Variants in HECW1 observed in about 807,000 individuals in gnomAD.
HECW1 encodes the protein E3 ubiquitin-protein ligase HECW1.
HECW1 carries 61 observed loss-of-function variants against 182.3 expected under a neutral mutation model. The ratio of observed to expected loss-of-function variants is 0.33; its 90% CI spans 0.27 to 0.41. The LOEUF (loss-of-function observed/expected upper bound fraction) is 0.41. HECW1 is among the 10% of genes least tolerant of loss of function. HECW1 has a pLI of 1.00. For missense variants in HECW1, 1,739 were observed against 2,108.9 expected (o/e 0.82, Z 3.44); for synonymous variants, 859 against 832.6 (o/e 1.03, Z -0.55).
intron 17 of HECW1, among the ~76,000 whole-genome samples, chr7:43,483,817 G>A (rs1226559001): frequency 1.3e-5 from 2 of 151,986 alleles, no homozygotes; most frequent in African/African-American, 2.4e-5. Context: ...CCAAAGTGCT[G>A]GGATTACAGA....
chr7:43,495,985 GT>G (rs199931013), intron 19 of HECW1, among the ~76,000 whole-genome samples: 45 of 151,080 alleles, frequency 3.0e-4, no homozygotes, highest in East Asian at 1.7e-3. Flanking sequence ...ATTAGAAAAG[GT>G]TTTTTTTTAA....
chr7:43,222,286 G>A (rs931495843), intron 2 of HECW1, among the ~76,000 whole-genome samples: 3 of 152,124 alleles, frequency 2.0e-5, no homozygotes, highest in South Asian at 2.1e-4. Flanking sequence ...ATAAGAAGCC[G>A]AATACTCATG....
chr7:43,191,767 G>A (rs1793938046), intron 2 of HECW1, among the ~76,000 whole-genome samples: 1 of 152,050 alleles, frequency 6.6e-6, no homozygotes, highest in Non-Finnish European at 1.5e-5. Context: ...CACTTAATTT[G>A]CTTTTCTTGT....
chr7:43,409,126 C>T (rs540429620), intron 8 of HECW1, among the ~76,000 whole-genome samples: 1 of 152,316 alleles, frequency 6.6e-6, no homozygotes, highest in South Asian at 2.1e-4. Context: ...ATACCACCCC[C>T]TTCCTGGGCT....
chr7:43,494,803 C>T (rs2152920708), intron 19 of HECW1, among the ~76,000 whole-genome samples: 1 of 152,274 alleles, frequency 6.6e-6, no homozygotes, highest in Non-Finnish European at 1.5e-5. Flanking sequence ...TGTTAGCCAC[C>T]TCACCCAGCC....
chr7:43,520,595 A>T (rs367670483), intron 24 of HECW1, among the ~76,000 whole-genome samples: 4 of 151,646 alleles, frequency 2.6e-5, no homozygotes, highest in Admixed American at 1.3e-4. Flanking sequence ...TTCTCAAGAC[A>T]AATATGTTCA....
At chr7:43,227,446 C>A (rs911619479) in intron 2 of HECW1, among the ~76,000 whole-genome samples, 7 of 152,020 alleles carry the variant, frequency 4.6e-5, no homozygotes, top group Non-Finnish European at 1.0e-4. Flanking sequence ...ATAAACTATC[C>A]ATACTTTAAT....
chr7:43,266,491 C>A (rs574901935), intron 3 of HECW1, among the ~76,000 whole-genome samples: 2 of 152,110 alleles, frequency 1.3e-5, no homozygotes, highest in African/African-American at 4.8e-5. Flanking sequence ...TCTGCCACCA[C>A]GCCCAGCTAA....
chr7:43,299,289 G>A (rs1375644536), intron 3 of HECW1, among the ~76,000 whole-genome samples: 1 of 152,222 alleles, frequency 6.6e-6, no homozygotes, highest in Non-Finnish European at 1.5e-5. Context: ...CGGAATCGGT[G>A]GGAGAGGCCG....
intron 29 of HECW1, among the ~76,000 whole-genome samples, chr7:43,557,655 T>C (rs1266839907): frequency 6.6e-6 from 1 of 152,128 alleles, no homozygotes; most frequent in Non-Finnish European, 1.5e-5. Flanking sequence ...CAGATAATAG[T>C]CATAATAAGT....
chr7:43,349,160 G>A (rs908702337), intron 5 of HECW1, among the ~76,000 whole-genome samples: 4 of 152,014 alleles, frequency 2.6e-5, no homozygotes, highest in African/African-American at 4.8e-5. Flanking sequence ...TCAGCCTACC[G>A]AGTAGTTGGG....
At chr7:43,542,417 T>A (rs184651868) in intron 26 of HECW1, among the ~76,000 whole-genome samples, 1 of 151,984 alleles carries the variant, frequency 6.6e-6, no homozygotes, top group East Asian at 1.9e-4. Context: ...TAGATATATA[T>A]GTATATGCAC....
At chr7:43,503,298 C>T (rs2079442967) in intron 21 of HECW1, among the ~76,000 whole-genome samples, 1 of 152,074 alleles carries the variant, frequency 6.6e-6, no homozygotes, top group African/African-American at 2.4e-5. Flanking sequence ...GGAGCGAAGA[C>T]AAAAGTAAGG....
intron 3 of HECW1, among the ~76,000 whole-genome samples, chr7:43,279,703 C>T (rs1803648704): frequency 2.0e-5 from 3 of 152,204 alleles, no homozygotes; most frequent in African/African-American, 7.2e-5. Context: ...AAATATCTCC[C>T]ACCTTGATTC....
chr7:43,211,907 G>A (rs1005330135), intron 2 of HECW1, among the ~76,000 whole-genome samples: 2 of 152,192 alleles, frequency 1.3e-5, no homozygotes, highest in Non-Finnish European at 2.9e-5. Context: ...TTCTTCAGAT[G>A]TATGGTATGT....
At position 43,400,458 on chromosome 7, in the gene HECW1, T is replaced by G. The variant is rs139018918; in HGVS notation, c.631+3569T>G. ...CATGCTCGTAGGTAAACAACAGAAA[T>G]TTTGACTTGAACAATGTGTGGAGAA... On this transcript the variant is annotated intron_variant, in intron 7 of 29. Transcript: ENST00000395891. Among the ~76,000 whole-genome samples the G allele has an allele frequency of 3.0e-3, 459 of 152,196 alleles. 1 individual carries two copies. The highest frequency in any genetic ancestry group is 9.0e-3 in the Admixed American group (137 of 15,288).
At chr7:43,178,882 A>T (rs761658921) in intron 2 of HECW1, among the ~76,000 whole-genome samples, 10 of 152,266 alleles carry the variant, frequency 6.6e-5, no homozygotes, top group Non-Finnish European at 1.3e-4. Context: ...GCTTGTTAAA[A>T]TGGAAAGCTC....
chr7:43,271,099 A>T (rs912364153), intron 3 of HECW1, among the ~76,000 whole-genome samples: 2 of 152,230 alleles, frequency 1.3e-5, no homozygotes, highest in African/African-American at 2.4e-5. Context: ...AATTTGATGT[A>T]CATGTGTTGT....
intron 11 of HECW1, among the ~76,000 whole-genome samples, chr7:43,448,003 C>T (rs1022844807): frequency 1.3e-5 from 2 of 151,552 alleles, no homozygotes; most frequent in African/African-American, 2.4e-5. Context: ...GGCACGGTGG[C>T]GGGCACCTGT....
Sources: gnomAD v4.1 joint callset for allele counts (sites outside exome capture counted in the v4.1 genomes callset) on GRCh38, gnomAD v4.1.1 for gene constraint, MANE v1.5 for transcripts, NCBI Gene and HGNC (gene_info 2026-07-23, HGNC 2026-07-21) for gene names.